RDH13: variants seen among roughly 807,000 people sequenced by gnomAD.
RDH13 encodes the protein retinol dehydrogenase 13, also known as retinol dehydrogenase 13 (all-trans and 9-cis).
RDH13 carries 35 observed loss-of-function variants against 28.3 expected under a neutral mutation model. The ratio of observed to expected loss-of-function variants is 1.24; its 90% CI spans 0.95 to 1.64. The LOEUF (loss-of-function observed/expected upper bound fraction) is 1.64, where lower values mean the gene tolerates loss of function less well. RDH13 is among the 40% of genes most tolerant of loss of function. The pLI, the probability that RDH13 is intolerant of heterozygous loss-of-function variation, is 0.00. For missense variants in RDH13, 514 were observed against 446.3 expected (o/e 1.15, Z -1.37); for synonymous variants, 229 against 198.5 (o/e 1.15, Z -1.29).
chr19:55,050,506 C>G (rs1461587391), intron 3 of RDH13, among the ~76,000 whole-genome samples: 2 of 152,026 alleles, frequency 1.3e-5, no homozygotes, highest in African/African-American at 2.4e-5. Context: ...TCACTGCAGC[C>G]TCAACCTCCC....
In RDH13 at chr19:55,048,342, G is replaced by A. The variant is rs763410747; in HGVS notation, c.645C>T (p.Ser215=). ...LAIVLFTKEL[S]RRLQGSGVTV... is the part of the protein sequence containing the mutation. The stretch of plus-strand genomic sequence containing the variant: ...GCGCCCCCGTACCTTGCAGCCGCCG[G>A]CTCAGCTCCTTGGTGAAGAGGACGA... Residue 215 remains serine, a synonymous_variant, in exon 5 of 7, where the codon AGC becomes AGT. Coordinates refer to ENST00000415061, the MANE Select transcript of RDH13 (RefSeq NM_001145971.2). 5.0e-6 allele frequency: 8 copies of A among 1,614,014 alleles called. No homozygotes were observed. In the African/African-American group the frequency reaches 1.1e-4, roughly 22 times the overall value.
chr19:55,041,219 TCCA>T (rs1225829812), downstream of RDH13: 1 of 152,256 alleles, frequency 6.6e-6, no homozygotes, highest in African/African-American at 2.4e-5. Context: ...GCTCAAGCAA[TCCA>T]CCGACCTCAG....
At chr19:55,057,735 C>T (rs1049231429) in intron 2 of RDH13, among the ~76,000 whole-genome samples, 2 of 151,974 alleles carry the variant, frequency 1.3e-5, no homozygotes, top group Non-Finnish European at 2.9e-5. Flanking sequence ...TGCCCAGCCT[C>T]CAATTTTTTT....
At chr19:55,066,706 T>C (rs2075969889), upstream of RDH13, among the ~76,000 whole-genome samples, 1 of 150,998 alleles carries the variant, frequency 6.6e-6, no homozygotes. Flanking sequence ...TCTTTCTTCC[T>C]CTCTCTCTTC....
At position 55,057,174 on chromosome 19, in the gene RDH13, C is replaced by T. The variant is rs116644211; in HGVS notation, c.185-366G>A. Among the ~76,000 whole-genome samples the T allele has an allele frequency of 4.2e-3, 636 of 152,222 alleles. 7 individuals carry two copies. The highest frequency in any genetic ancestry group is 0.014 in the African/African-American group (599 of 41,552). On this transcript the variant is annotated intron_variant, in intron 2 of 6. Coordinates refer to ENST00000415061, the MANE Select transcript of RDH13 (RefSeq NM_001145971.2). ...TGTATATGATTTCACACCTATGAAA[C>T]GCCCAGAATAGGCAAATCCATAGAG... is the stretch of plus-strand genomic sequence containing the variant.
At chr19:55,051,630 A>G (rs1036392929) in intron 3 of RDH13, among the ~76,000 whole-genome samples, 3 of 151,460 alleles carry the variant, frequency 2.0e-5, no homozygotes, top group Non-Finnish European at 4.4e-5. Flanking sequence ...GGGTTTCACC[A>G]TCTTGGTCAG....
intron 1 of RDH13, chr19:55,069,250 T>C (rs2076018177): frequency 6.9e-6 from 1 of 145,618 alleles, no homozygotes; most frequent in Non-Finnish European, 1.5e-5. Flanking sequence ...ACCCTCCCTG[T>C]GTCATAAGCG....
chr19:55,053,270 C>T, intron 3 of RDH13, among the ~76,000 whole-genome samples: 1 of 152,216 alleles, frequency 6.6e-6, no homozygotes, highest in East Asian at 1.9e-4. Flanking sequence ...TTTAAATCCA[C>T]TGCTGTCTTT....
chr19:55,045,432 C>T, intron 6 of RDH13, 123 bp from the exon 7 acceptor site: 1 of 672,142 alleles, frequency 1.5e-6, no homozygotes, highest in Non-Finnish European at 2.5e-6. Context: ...AGCCCTTTCC[C>T]CTTGGCTGCC....
chr19:55,046,785 C>T (rs1036711108), intron 6 of RDH13: 4 of 152,696 alleles, frequency 2.6e-5, no homozygotes, highest in Admixed American at 2.0e-4. Context: ...GTAATCCCAG[C>T]TACTTGGAGA....
At chr19:55,054,147 C>T (rs1186834718) in intron 3 of RDH13, among the ~76,000 whole-genome samples, 1 of 152,198 alleles carries the variant, frequency 6.6e-6, no homozygotes, top group African/African-American at 2.4e-5. Context: ...CATCTCACAC[C>T]TCCAGCACCT....
Position 55,069,120 on chromosome 19 carries a change from C to T in RDH13, c.-266+202G>A, listed in dbSNP as rs918957693. Reference sequence around the variant, plus strand: ...CCCAGAGACCTGGGAAGGAGCCAGGCTCCTCCGGTTTCAGGAAAGGGCTGC... The same window carrying T: ...CCCAGAGACCTGGGAAGGAGCCAGGTTCCTCCGGTTTCAGGAAAGGGCTGC... On this transcript the variant is annotated intron_variant, in intron 1 of 7. Transcript: ENST00000396247. Among the ~76,000 whole-genome samples, 4 of 138,520 alleles carry T rather than the reference C, an allele frequency of 2.9e-5. No homozygotes were observed. In the East Asian group the frequency reaches 8.7e-4, roughly 30 times the overall value. 90.9% of individuals were successfully genotyped at this position (138,520 alleles called of 152,430 possible). A position where few individuals can be genotyped will look rare whatever the true frequency, so the allele number is the denominator to read the frequency against.
At chr19:55,047,927 G>A (rs969377463) in intron 5 of RDH13, 1 of 649,940 alleles carries the variant, frequency 1.5e-6, no homozygotes, top group African/African-American at 1.8e-5. Flanking sequence ...AGGACATTGA[G>A]AGCATCTGGG....
chr19:55,062,225 A>T (rs2075829744), intron 1 of RDH13, among the ~76,000 whole-genome samples: 1 of 150,854 alleles, frequency 6.6e-6, no homozygotes, highest in Non-Finnish European at 1.5e-5. Context: ...CTACGGAGTC[A>T]CGACTCTGCC....
chr19:55,065,337 T>C (rs116543378), upstream of RDH13, among the ~76,000 whole-genome samples: 329 of 151,782 alleles, frequency 2.2e-3, 5 homozygotes, highest in African/African-American at 7.7e-3. Context: ...TGAGCTGTGA[T>C]TGTGCCACTG....
intron 2 of RDH13, among the ~76,000 whole-genome samples, chr19:55,057,498 T>C (rs939297647): frequency 6.7e-6 from 1 of 149,720 alleles, no homozygotes; most frequent in African/African-American, 2.5e-5. Flanking sequence ...GGTGGCGCAA[T>C]CTCGGCTCAC....
chr19:55,069,035 T>C (rs1443965284), intron 1 of RDH13, among the ~76,000 whole-genome samples: 1 of 141,402 alleles, frequency 7.1e-6, no homozygotes, highest in Non-Finnish European at 1.5e-5. Context: ...CAACCCAGGA[T>C]CCAAACTCAA....
At chr19:55,045,597 C>T (rs547239767) in intron 6 of RDH13, among the ~76,000 whole-genome samples, 193 of 152,312 alleles carry the variant, frequency 1.3e-3, no homozygotes, top group African/African-American at 4.6e-3. Flanking sequence ...CACCCTACCC[C>T]ATTTCTCCTT....
intron 3 of RDH13, among the ~76,000 whole-genome samples, chr19:55,054,983 T>A (rs977351686): frequency 6.6e-6 from 1 of 152,114 alleles, no homozygotes; most frequent in Non-Finnish European, 1.5e-5. Context: ...ATAAATAATT[T>A]TAGTGTATTC....
Sources: gnomAD v4.1 joint callset for allele counts (sites outside exome capture counted in the v4.1 genomes callset) on GRCh38, gnomAD v4.1.1 for gene constraint, MANE v1.5 for transcripts, NCBI Gene and HGNC (gene_info 2026-07-23, HGNC 2026-07-21) for gene names.